The following BTG4 variants were observed in gnomAD, a reference collection of about 807,000 sequenced individuals.
BTG4 encodes the protein BTG anti-proliferation factor 4.
In BTG4, 10 loss-of-function variants were observed where a neutral mutation model predicts 19.3. The ratio of observed to expected loss-of-function variants is 0.52; its 90% CI spans 0.32 to 0.88. The LOEUF (loss-of-function observed/expected upper bound fraction) is 0.88, where lower values mean the gene tolerates loss of function less well. Among genes scored for constraint, BTG4 ranks in the 40% least tolerant of loss-of-function variants. The pLI is 0.04. For synonymous variants in BTG4, 91 were observed against 95.7 expected (o/e 0.95, Z 0.29); for missense variants, 238 against 281.9 (o/e 0.84, Z 1.11).
chr11:111,403,920 G>A, the BTG4 span, among the ~76,000 whole-genome samples: 1 of 152,078 alleles, frequency 6.6e-6, no homozygotes, highest in African/African-American at 2.4e-5. Context: ...CAGTCAGGAT[G>A]GTAAAGACTC....
At chr11:111,508,841 T>C (rs555916956) in intron 1 of BTG4, among the ~76,000 whole-genome samples, 2 of 150,578 alleles carry the variant, frequency 1.3e-5, no homozygotes, top group Non-Finnish European at 3.0e-5. Context: ...TATTACATAC[T>C]AATATAATTA....
the BTG4 span, among the ~76,000 whole-genome samples, chr11:111,388,798 A>C: frequency 6.6e-6 from 1 of 152,192 alleles, no homozygotes; most frequent in Admixed American, 6.5e-5. Context: ...TGGTGGTTTG[A>C]TCAATTACTG....
chr11:111,475,295 T>C (rs1864336997), intron 5 of BTG4: 1 of 152,166 alleles, frequency 6.6e-6, no homozygotes, highest in African/African-American at 2.4e-5. Flanking sequence ...TGAGGACCCC[T>C]GCTCACTGTG....
At chr11:111,502,914 A>C (rs1866194311) in intron 1 of BTG4, among the ~76,000 whole-genome samples, 1 of 152,214 alleles carries the variant, frequency 6.6e-6, no homozygotes, top group Non-Finnish European at 1.5e-5. Flanking sequence ...AACATCATGC[A>C]AGGTTTCCTT....
At chr11:111,439,805 C>T in the BTG4 span, among the ~76,000 whole-genome samples, 3 of 152,162 alleles carry the variant, frequency 2.0e-5, no homozygotes, top group Non-Finnish European at 4.4e-5. Context: ...CAGCACTTTA[C>T]GTTTTGGCTC....
the BTG4 span, among the ~76,000 whole-genome samples, chr11:111,428,254 G>A: frequency 1.8e-4 from 28 of 152,224 alleles, no homozygotes; most frequent in East Asian, 5.2e-3. Flanking sequence ...AAAGATGGAA[G>A]GGGAAGAGGA....
At chr11:111,497,467 C>T in intron 3 of BTG4, 58 bp from the exon 4 acceptor site, 1 of 1,167,504 alleles carries the variant, frequency 8.6e-7, no homozygotes, top group Non-Finnish European at 1.1e-6. Context: ...ACAAGATCTC[C>T]AATCTTTCCT....
the BTG4 span, among the ~76,000 whole-genome samples, chr11:111,438,387 G>T: frequency 1.4e-4 from 21 of 152,306 alleles, no homozygotes; most frequent in Admixed American, 1.2e-3. Flanking sequence ...TTCTCAACAG[G>T]AATTCCTTGG....
At chr11:111,409,578 C>T in the BTG4 span, among the ~76,000 whole-genome samples, 1,487 of 152,296 alleles carry the variant, frequency 9.8e-3, 17 homozygotes, top group African/African-American at 0.032. Context: ...GCCAAGCAGA[C>T]GCCAGCACCA....
chr11:111,495,707 T>C (rs544945802), intron 4 of BTG4, among the ~76,000 whole-genome samples: 1 of 152,266 alleles, frequency 6.6e-6, no homozygotes, highest in East Asian at 1.9e-4. Context: ...CAGATCACAC[T>C]TTGAAAAGAC....
At chr11:111,484,805 T>C (rs1359785040) in intron 5 of BTG4, among the ~76,000 whole-genome samples, 1 of 152,158 alleles carries the variant, frequency 6.6e-6, no homozygotes, top group Non-Finnish European at 1.5e-5. Context: ...GAAATTTAAA[T>C]GGACTGAATT....
rs113532091 is a variant in BTG4, at chr11:111,509,832, A to T, written c.-27+2349T>A. Among the ~76,000 whole-genome samples the T allele has an allele frequency of 7.4e-3, 1,112 of 151,206 alleles. 13 individuals carry two copies. The highest frequency in any genetic ancestry group is 0.025 in the African/African-American group (1,032 of 41,206). On this transcript the variant is annotated intron_variant, in intron 1 of 4. Coordinates refer to ENST00000692032, the MANE Select transcript of BTG4 (RefSeq NM_001367975.1). ...CAACATCCTTCAAAAGCTGTGGGAG[A>T]TGGTGAGTTTGTATGTATTGAAGGG...
chr11:111,390,227 T>C, the BTG4 span, among the ~76,000 whole-genome samples: 1 of 152,194 alleles, frequency 6.6e-6, no homozygotes, highest in African/African-American at 2.4e-5. Flanking sequence ...CATCCATCCA[T>C]TCATTCATTC....
chr11:111,421,384 A>G, the BTG4 span, among the ~76,000 whole-genome samples: 2 of 152,164 alleles, frequency 1.3e-5, no homozygotes, highest in African/African-American at 4.8e-5. Context: ...AAAAACTCCA[A>G]ACTGGATAAT....
the BTG4 span, among the ~76,000 whole-genome samples, chr11:111,406,803 T>C: frequency 1.3e-5 from 2 of 152,208 alleles, no homozygotes; most frequent in Admixed American, 6.5e-5. Flanking sequence ...AGCAAGGCGT[T>C]GGTGGGATTA....
At chr11:111,385,235 G>C in the BTG4 span, 1 of 152,024 alleles carries the variant, frequency 6.6e-6, no homozygotes, top group African/African-American at 2.4e-5. Flanking sequence ...TGAGCATTCT[G>C]AGAGAAACTG....
chr11:111,391,805 A>G, the BTG4 span, among the ~76,000 whole-genome samples: 7 of 152,176 alleles, frequency 4.6e-5, no homozygotes, highest in African/African-American at 1.7e-4. Flanking sequence ...CAGTGTGAAG[A>G]TAAATTAGAG....
chr11:111,408,911 A>C, the BTG4 span, among the ~76,000 whole-genome samples: 1 of 152,218 alleles, frequency 6.6e-6, no homozygotes, highest in Non-Finnish European at 1.5e-5. Context: ...TCAAGGAGAC[A>C]CAAGGTGCTG....
the BTG4 span, among the ~76,000 whole-genome samples, chr11:111,459,097 C>A: frequency 6.6e-6 from 1 of 152,016 alleles, no homozygotes; most frequent in African/African-American, 2.4e-5. Context: ...CAAAAAATAG[C>A]CAGACATAGT....
Sources: gnomAD v4.1 joint callset for allele counts (sites outside exome capture counted in the v4.1 genomes callset) on GRCh38, gnomAD v4.1.1 for gene constraint, MANE v1.5 for transcripts, NCBI Gene and HGNC (gene_info 2026-07-23, HGNC 2026-07-21) for gene names.